The following SUMF1 variants were observed in gnomAD, a reference collection of about 807,000 sequenced individuals.
SUMF1 encodes formylglycine-generating enzyme.
In SUMF1, 48 loss-of-function variants were observed where a neutral mutation model predicts 47.6. The observed-to-expected ratio is 1.01, with a 90% CI of 0.80 to 1.28. The LOEUF (loss-of-function observed/expected upper bound fraction) is 1.28. Ranked by LOEUF, SUMF1 falls within the 50% of genes most tolerant of loss-of-function variation. SUMF1 has a pLI of 0.00. For synonymous variants in SUMF1, 230 were observed against 192.1 expected, an observed-to-expected ratio of 1.20 and a Z score of -1.63; for missense variants, 571 against 485.4, an observed-to-expected ratio of 1.18 and a Z score of -1.66.
At chr3:4,232,541 T>A (rs1045576209) in intron 8 of SUMF1, among the ~76,000 whole-genome samples, 4 of 151,890 alleles carry the variant, frequency 2.6e-5, no homozygotes, top group African/African-American at 9.7e-5. Context: ...TGGAGAATGG[T>A]CCCTCAAAGG....
At chr3:4,134,683 G>A (rs1203631352) in intron 8 of SUMF1, among the ~76,000 whole-genome samples, 1 of 152,040 alleles carries the variant, frequency 6.6e-6, no homozygotes, top group Non-Finnish European at 1.5e-5. Flanking sequence ...GAATCCAGGA[G>A]CTGGTTTTTT....
rs543448505 is a variant in SUMF1, at chr3:4,148,861, G to A, written c.1015-80116C>T. The stretch of plus-strand genomic sequence containing the variant: ...ACATTTGGAAGGACCTTTACACAAG[G>A]GTCATATCAACTGTGCGTTTACTTA... On this transcript the variant is annotated intron_variant and NMD_transcript_variant, in intron 8 of 12. Coordinates refer to the SUMF1 transcript ENST00000448413. Among the ~76,000 whole-genome samples the A allele has an allele frequency of 1.2e-4, 18 of 152,062 alleles. 1 individual carries two copies. The highest frequency in any genetic ancestry group is 3.6e-4 in the African/African-American group (15 of 41,470).
At chr3:4,466,075 A>C (rs1236226006) in intron 1 of SUMF1, among the ~76,000 whole-genome samples, 2 of 152,150 alleles carry the variant, frequency 1.3e-5, no homozygotes, top group Non-Finnish European at 2.9e-5. Flanking sequence ...AATATGCAAA[A>C]TACCGGGCAG....
intron 8 of SUMF1, among the ~76,000 whole-genome samples, chr3:4,182,595 T>C (rs1179755847): frequency 2.0e-5 from 3 of 152,036 alleles, no homozygotes; most frequent in African/African-American, 2.4e-5. Flanking sequence ...TGTTCTGCTA[T>C]ATATTCCACC....
At chr3:4,438,229 C>CA (rs200027047) in intron 3 of SUMF1, among the ~76,000 whole-genome samples, 2,540 of 134,630 alleles carry the variant, frequency 0.019, 58 homozygotes, top group African/African-American at 0.061. Flanking sequence ...GCTATAAGAG[C>CA]AAAAAAAAAA....
At chr3:4,456,722 A>C (rs2079627423) in intron 1 of SUMF1, among the ~76,000 whole-genome samples, 1 of 130,064 alleles carries the variant, frequency 7.7e-6, no homozygotes, top group Admixed American at 7.9e-5. Flanking sequence ...ATATACATAT[A>C]TATACGTGTG....
rs144088479 is a variant in SUMF1, at chr3:4,218,421, T to C, written c.1015-149676A>G. On this transcript the variant is annotated intron_variant and NMD_transcript_variant, in intron 8 of 12. Coordinates refer to the SUMF1 transcript ENST00000448413. ...CACCACAGGCCTCCGGGAATAATAA[T>C]TGATTTTTTTAAGATAAAGCATTTC... Among the ~76,000 whole-genome samples the C allele has an allele frequency of 5.6e-3, 859 of 152,280 alleles. 8 individuals are homozygous for C. Among genetic ancestry groups the C allele is most frequent in the African/African-American group, 0.02 (823 of 41,568 alleles).
intron 8 of SUMF1, among the ~76,000 whole-genome samples, chr3:4,178,957 T>C (rs958766063): frequency 1.3e-5 from 2 of 152,092 alleles, no homozygotes; most frequent in African/African-American, 2.4e-5. Flanking sequence ...ACAAAGAGAA[T>C]AAAATACCCA....
chr3:4,413,622 G>T (rs1449520122), intron 6 of SUMF1, among the ~76,000 whole-genome samples: 1 of 152,004 alleles, frequency 6.6e-6, no homozygotes, highest in Non-Finnish European at 1.5e-5. Context: ...CACATTTTCA[G>T]ATGAATAAGC....
At chr3:4,167,677 C>A (rs1214827279) in intron 8 of SUMF1, among the ~76,000 whole-genome samples, 1 of 152,196 alleles carries the variant, frequency 6.6e-6, no homozygotes, top group Non-Finnish European at 1.5e-5. Context: ...CCGGCTGGCT[C>A]TTCACCTATC....
intron 3 of SUMF1, among the ~76,000 whole-genome samples, chr3:4,443,491 T>G (rs1702676340): frequency 1.3e-5 from 2 of 152,094 alleles, no homozygotes; most frequent in South Asian, 4.1e-4. Flanking sequence ...AGGCCAGGCA[T>G]GGTGGCTGAT....
chr3:4,057,390 A>G (rs1206087663), intron 9 of SUMF1, among the ~76,000 whole-genome samples: 1 of 21,534 alleles, frequency 4.6e-5, no homozygotes, highest in Non-Finnish European at 2.2e-4. Context: ...TAAGGGACTC[A>G]GGTTTGGCAA....
At chr3:4,360,205 CTT>C (rs57690047), downstream of SUMF1, among the ~76,000 whole-genome samples, 12 of 104,088 alleles carry the variant, frequency 1.2e-4, no homozygotes, top group Non-Finnish European at 1.8e-4. Context: ...AATGTTTGTT[CTT>C]TTTTTTTTTT....
intron 8 of SUMF1, among the ~76,000 whole-genome samples, chr3:4,090,609 C>T (rs1692764513): frequency 6.6e-6 from 1 of 152,032 alleles, no homozygotes; most frequent in Admixed American, 6.5e-5. Flanking sequence ...TGACAACAAA[C>T]TGTGCAGTAT....
chr3:4,137,431 T>C (rs987416566), intron 8 of SUMF1, among the ~76,000 whole-genome samples: 4 of 150,220 alleles, frequency 2.7e-5, no homozygotes, highest in Non-Finnish European at 5.9e-5. Context: ...ATGAGAACAC[T>C]TGGACACAGA....
intron 7 of SUMF1, among the ~76,000 whole-genome samples, chr3:4,377,110 T>C (rs1426351220): frequency 2.0e-5 from 3 of 152,216 alleles, no homozygotes; most frequent in Non-Finnish European, 4.4e-5. Flanking sequence ...CAGAATTATA[T>C]GTTTTTATAA....
intron 8 of SUMF1, among the ~76,000 whole-genome samples, chr3:4,174,237 T>A (rs1306984142): frequency 4.0e-5 from 6 of 150,912 alleles, no homozygotes; most frequent in Non-Finnish European, 8.8e-5. Flanking sequence ...GCACCTGTAG[T>A]CCCAGCTACT....
chr3:4,340,011 G>A (rs1196081177), intron 8 of SUMF1, among the ~76,000 whole-genome samples: 1 of 152,046 alleles, frequency 6.6e-6, no homozygotes, highest in Non-Finnish European at 1.5e-5. Flanking sequence ...CCAGAAGGTC[G>A]AGGTTGTAGT....
intron 3 of SUMF1, among the ~76,000 whole-genome samples, chr3:4,442,345 TC>T (rs1702624206): frequency 6.8e-6 from 1 of 148,134 alleles, no homozygotes; most frequent in Admixed American, 6.8e-5. Flanking sequence ...AAGCTCCGCC[TC>T]CCGGGTTCAC....
Sources: allele counts gnomAD v4.1 joint callset (sites outside exome capture counted in the v4.1 genomes callset), GRCh38; gene constraint gnomAD v4.1.1; transcripts MANE v1.5; gene names NCBI Gene and HGNC (gene_info 2026-07-23, HGNC 2026-07-21).